MAPKAPK2: variants seen among roughly 807,000 people sequenced by gnomAD.
MAPKAPK2 encodes MAPK activated protein kinase 2, also known as MAP kinase-activated protein kinase 2.
MAPKAPK2 carries 9 observed loss-of-function variants against 48.8 expected under a neutral mutation model. That is an observed-to-expected ratio of 0.18 (90% CI 0.11 to 0.32). The LOEUF is 0.32. Ranked by LOEUF, MAPKAPK2 falls within the 10% of genes least tolerant of loss-of-function variation. The pLI is 1.00. For synonymous variants in MAPKAPK2, 202 were observed against 190.6 expected (o/e 1.06, Z -0.49); for missense variants, 331 against 498.3 (o/e 0.66, Z 3.20).
intron 1 of MAPKAPK2, among the ~76,000 whole-genome samples, chr1:206,706,588 C>T (rs1035346549): frequency 6.6e-5 from 10 of 152,190 alleles, no homozygotes; most frequent in Admixed American, 1.3e-4. Context: ...TGCCAAGAAC[C>T]TCTGAGCTCA....
intron 1 of MAPKAPK2, among the ~76,000 whole-genome samples, chr1:206,723,740 A>G (rs781862228): frequency 4.3e-4 from 65 of 152,334 alleles, no homozygotes; most frequent in Non-Finnish European, 7.4e-4. Flanking sequence ...CATACCTTGA[A>G]TAGGGGGAGG....
chr1:206,730,790 T>TGGGGGGGGGGGGGGGGGGGGG, intron 6 of MAPKAPK2, 27 bp downstream of exon 6: 1 of 657,982 alleles, frequency 1.5e-6, no homozygotes, highest in Non-Finnish European at 2.7e-6. Flanking sequence ...GGGGGCTGGG[T>TGGGGGGGGGGGGGGGGGGGGG]GGGGCAGGGA....
chr1:206,731,935 G>A lies in MAPKAPK2; in HGVS notation c.1059+16G>A. On this transcript the variant is annotated intron_variant, in intron 9 of 9. Coordinates refer to ENST00000367103, the MANE Select transcript of MAPKAPK2 (RefSeq NM_032960.4). The surrounding 1 kb of genome is among the most constrained non-coding windows in gnomAD (Gnocchi z 5.9). ...GGATGTCAAGGTGAGGGGCACCACT[G>A]GGTGAGAGGGGCTCCAGGTGGGGTG... 1 of 1,614,158 alleles carries A rather than the reference G, an allele frequency of 6.2e-7. No homozygotes were observed. Among genetic ancestry groups the A allele is most frequent in the Non-Finnish European group, 8.5e-7 (1 of 1,180,024 alleles).
chr1:206,729,403 C>T lies in MAPKAPK2; in HGVS notation c.492C>T (p.Ser164=), dbSNP rs555921913. The change falls in exon 4 of 10, where the codon TCC becomes TCT. Residue 164 remains serine, a synonymous_variant. Transcript: ENST00000367103. ...CTTCCCTCCCCTCTACAGAAGCATC[C>T]GAAATCATGAAGAGCATCGGTGAGG... is the stretch of plus-strand genomic sequence containing the variant. ...GDQAFTEREA[S]EIMKSIGEAI... is the part of the protein sequence containing the mutation. 243 of 1,613,600 alleles carry T rather than the reference C, an allele frequency of 1.5e-4. 6 individuals are homozygous for T. In the South Asian group the frequency reaches 2.3e-3, roughly 15 times the overall value.
In MAPKAPK2 at chr1:206,707,405, A is replaced by T. The variant is rs374175016; in HGVS notation, c.280-21305A>T. On this transcript the variant is annotated intron_variant, in intron 1 of 9. Transcript: ENST00000367103. ...AACATACATCTCTCCCTCTTCTTTAAGATGTGAAGCCAGAAGCACCAGACT... is the reference window on the plus strand; with the variant it reads ...AACATACATCTCTCCCTCTTCTTTATGATGTGAAGCCAGAAGCACCAGACT... Among the ~76,000 whole-genome samples the T allele has an allele frequency of 1.2e-4, 18 of 152,178 alleles. 1 individual carries two copies. Among genetic ancestry groups the T allele is most frequent in the African/African-American group, 3.9e-4 (16 of 41,498 alleles).
At position 206,702,766 on chromosome 1, in the gene MAPKAPK2, C is replaced by G. The variant is rs527742415; in HGVS notation, c.279+17258C>G. On this transcript the variant is annotated intron_variant, in intron 1 of 9. Coordinates refer to ENST00000367103, the MANE Select transcript of MAPKAPK2 (RefSeq NM_032960.4). ...GGTTTGTCCTGCCTTCCACACTTTG[C>G]CTTCCAGGAGAGCACTCCTTCCCGC... 3.9e-5 allele frequency among the ~76,000 whole-genome samples: 6 copies of G among 152,354 alleles called. No individual in the cohort carries two copies. The South Asian group carries it at 1.2e-3, about 32-fold the overall frequency.
intron 1 of MAPKAPK2, among the ~76,000 whole-genome samples, chr1:206,698,612 A>G (rs1229847216): frequency 6.6e-6 from 1 of 152,258 alleles, no homozygotes; most frequent in Non-Finnish European, 1.5e-5. Context: ...TTGAGCAGAT[A>G]CTATGTATCA....
Position 206,732,023 on chromosome 1 carries a change from CCT to C in MAPKAPK2, c.1059+110_1059+111del, listed in dbSNP as rs1673930655. 2.5e-6 allele frequency: 4 copies of C among 1,613,954 alleles called. No homozygotes were observed. The South Asian group carries it at 4.4e-5, about 18-fold the overall frequency. ...GCTGGTAGGGGAGAGCTTGATTCTG[CCT>C]CTCTCATCCCAGGGGTGTCTTCATG... On this transcript the variant is annotated intron_variant, in intron 9 of 9. Coordinates refer to ENST00000367103, the MANE Select transcript of MAPKAPK2 (RefSeq NM_032960.4). This position sits in a 1 kb window ranked among gnomAD's most constrained non-coding sequence, Gnocchi z 4.4.
At chr1:206,709,639 A>C (rs1553429161) in intron 1 of MAPKAPK2, among the ~76,000 whole-genome samples, 1 of 152,194 alleles carries the variant, frequency 6.6e-6, no homozygotes, top group Non-Finnish European at 1.5e-5. Flanking sequence ...TTTATTATGA[A>C]CTTTCTACTT....
At chr1:206,721,136 T>C (rs566533819) in intron 1 of MAPKAPK2, among the ~76,000 whole-genome samples, 8 of 152,286 alleles carry the variant, frequency 5.3e-5, no homozygotes, top group South Asian at 2.1e-4. Flanking sequence ...GTTCTTAAGA[T>C]AGTGAGTTCT....
intron 1 of MAPKAPK2, among the ~76,000 whole-genome samples, chr1:206,703,660 CTT>C (rs1238948157): frequency 6.6e-6 from 1 of 152,204 alleles, no homozygotes; most frequent in East Asian, 1.9e-4. Flanking sequence ...GCGATAGAGA[CTT>C]TTCCGTAATG....
intron 1 of MAPKAPK2, among the ~76,000 whole-genome samples, chr1:206,702,502 C>T (rs1208086937): frequency 1.3e-5 from 2 of 152,256 alleles, no homozygotes; most frequent in South Asian, 2.1e-4. Context: ...AAGGGCCATC[C>T]AGCCGGTGAG....
intron 5 of MAPKAPK2, 72 bp from the exon 6 acceptor site, chr1:206,730,616 C>G: frequency 7.4e-7 from 1 of 1,343,172 alleles, no homozygotes; most frequent in South Asian, 1.2e-5. Flanking sequence ...TGGGGAGCAT[C>G]TTTCACAGAG....
At position 206,717,647 on chromosome 1, in the gene MAPKAPK2, C is replaced by T. The variant is rs71633600; in HGVS notation, c.280-11063C>T. On this transcript the variant is annotated intron_variant, in intron 1 of 9. Coordinates refer to ENST00000367103, the MANE Select transcript of MAPKAPK2 (RefSeq NM_032960.4). ...AGAGTTATGCAAGGCCTCTCTTCCT[C>T]CTGTGGCCAGTGTGAAATTTCTCAT... 3.0e-3 allele frequency among the ~76,000 whole-genome samples: 463 copies of T among 152,298 alleles called. 4 individuals are homozygous for T. Among genetic ancestry groups the T allele is most frequent in the Admixed American group, 9.0e-3 (137 of 15,300 alleles).
intron 1 of MAPKAPK2, among the ~76,000 whole-genome samples, chr1:206,691,504 T>TATATATATATATATATATACACAC (rs1424297313): frequency 8.9e-6 from 1 of 112,150 alleles, no homozygotes; most frequent in Non-Finnish European, 2.0e-5. Context: ...TATATATATA[T>TATATATATATATATATATACACAC]ACACACATAC....
intron 1 of MAPKAPK2, among the ~76,000 whole-genome samples, chr1:206,716,376 G>A (rs1041899239): frequency 5.4e-4 from 82 of 152,220 alleles, no homozygotes; most frequent in African/African-American, 1.7e-3. Flanking sequence ...CCCTGGCCAT[G>A]TAGTCTGCTG....
intron 1 of MAPKAPK2, among the ~76,000 whole-genome samples, chr1:206,714,765 A>AC (rs34899945): frequency 5.7e-5 from 1 of 17,496 alleles, no homozygotes. Flanking sequence ...ACTCGGTCAC[A>AC]AAAAAAAAAA....
chr1:206,706,704 CG>C, intron 1 of MAPKAPK2, among the ~76,000 whole-genome samples: 1 of 152,316 alleles, frequency 6.6e-6, no homozygotes, highest in Admixed American at 6.5e-5. Context: ...GCTGGGAAGA[CG>C]TTCAGGCCAC....
intron 1 of MAPKAPK2, among the ~76,000 whole-genome samples, chr1:206,694,976 G>A (rs1170221910): frequency 6.6e-6 from 1 of 152,188 alleles, no homozygotes; most frequent in Non-Finnish European, 1.5e-5. Context: ...CCAGGCTCAC[G>A]AGCATCATGT....
Sources: allele counts gnomAD v4.1 joint callset (sites outside exome capture counted in the v4.1 genomes callset), GRCh38; gene constraint gnomAD v4.1.1; non-coding constraint Gnocchi (gnomAD v3.1); transcripts MANE v1.5; gene names NCBI Gene and HGNC (gene_info 2026-07-23, HGNC 2026-07-21).